The following DSTYK variants were observed in gnomAD, a reference collection of about 807,000 sequenced individuals.
The protein encoded by DSTYK is dual serine/threonine and tyrosine protein kinase, also known as RIP-homologous kinase.
DSTYK carries 34 observed loss-of-function variants against 98.7 expected under a neutral mutation model. The ratio of observed to expected loss-of-function variants is 0.34; its 90% CI spans 0.26 to 0.46. The LOEUF is 0.46. Among genes scored for constraint, DSTYK ranks in the 20% least tolerant of loss-of-function variants. DSTYK has a pLI of 1.00. For missense variants in DSTYK, 962 were observed against 1,181.7 expected, an observed-to-expected ratio of 0.81 and a Z score of 2.73; for synonymous variants, 462 against 457.3, an observed-to-expected ratio of 1.01 and a Z score of -0.13.
chr1:205,211,235 C>T (rs1352599553), intron 1 of DSTYK, 36 bp downstream of exon 1: 2 of 1,565,710 alleles, frequency 1.3e-6, no homozygotes, highest in South Asian at 2.4e-5. Context: ...CGATTTGCCT[C>T]TCCTGCCCTC....
chr1:205,197,310 T>C (rs564018923), intron 1 of DSTYK, among the ~76,000 whole-genome samples: 2 of 152,028 alleles, frequency 1.3e-5, no homozygotes, highest in East Asian at 1.9e-4. Flanking sequence ...TTAGAGGAGA[T>C]GAGAAAACCT....
intron 2 of DSTYK, among the ~76,000 whole-genome samples, chr1:205,177,811 G>C (rs987664284): frequency 1.3e-5 from 2 of 151,610 alleles, no homozygotes; most frequent in Non-Finnish European, 2.9e-5. Context: ...AGGTTGCAGT[G>C]AGCCAAGATC....
chr1:205,196,758 A>ATTTTTTTTTTTTTTTTTTTTT (rs113524415), intron 1 of DSTYK, among the ~76,000 whole-genome samples: 1 of 109,858 alleles, frequency 9.1e-6, no homozygotes, highest in Non-Finnish European at 1.7e-5. Flanking sequence ...AAAATGGTGA[A>ATTTTTTTTTTTTTTTTTTTTT]TTTTTTTTTT....
chr1:205,183,928 T>C (rs1032759518), intron 2 of DSTYK, among the ~76,000 whole-genome samples: 3 of 152,008 alleles, frequency 2.0e-5, no homozygotes, highest in Non-Finnish European at 4.4e-5. Flanking sequence ...TCAAAACCAC[T>C]GGAGAATAAA....
At chr1:205,181,656 T>TTGTGTGTGTGTGTGTG (rs35775611) in intron 2 of DSTYK, among the ~76,000 whole-genome samples, 1 of 142,544 alleles carries the variant, frequency 7.0e-6, no homozygotes, top group African/African-American at 2.7e-5. Flanking sequence ...ATGTTGGGGT[T>TTGTGTGTGTGTGTGTG]TGTGTGTGTG....
intron 1 of DSTYK, among the ~76,000 whole-genome samples, chr1:205,188,897 T>C (rs1014329944): frequency 2.6e-5 from 4 of 152,080 alleles, no homozygotes; most frequent in African/African-American, 9.7e-5. Context: ...AGACCCTAAA[T>C]AGGACAAAGG....
intron 9 of DSTYK, among the ~76,000 whole-genome samples, chr1:205,157,601 T>C (rs1400474925): frequency 6.6e-6 from 1 of 151,756 alleles, no homozygotes; most frequent in Non-Finnish European, 1.5e-5. Context: ...CTACTAAAAA[T>C]GCAAAAAAGA....
At chr1:205,175,619 A>T (rs1174003522) in intron 2 of DSTYK, among the ~76,000 whole-genome samples, 1 of 152,138 alleles carries the variant, frequency 6.6e-6, no homozygotes, top group Non-Finnish European at 1.5e-5. Flanking sequence ...CAGTGAAGGG[A>T]TGACTCATGC....
chr1:205,187,313 T>G, intron 2 of DSTYK, 105 bp downstream of exon 2: 1 of 1,320,924 alleles, frequency 7.6e-7, no homozygotes, highest in Non-Finnish European at 1.0e-6. Context: ...CCACTGCTGC[T>G]CAGAGTTCAG....
In DSTYK at chr1:205,205,021, G is replaced by A. The variant is rs1659158577; in HGVS notation, c.265+6250C>T. On this transcript the variant is annotated intron_variant, in intron 1 of 12. Transcript: ENST00000367162. ...TGGCCACTGAATGCTGCTTCCATGA[G>A]GGAAGAAAATTAAGAAAGAAAGACC... Among the ~76,000 whole-genome samples, 3 of 152,200 alleles carry A rather than the reference G, an allele frequency of 2.0e-5. 1 individual carries two copies. The highest frequency in any genetic ancestry group is 4.1e-4 in the South Asian group (2 of 4,826).
chr1:205,164,870 C>A (rs1657841995), intron 3 of DSTYK, among the ~76,000 whole-genome samples: 1 of 152,176 alleles, frequency 6.6e-6, no homozygotes, highest in South Asian at 2.1e-4. Flanking sequence ...AATCTAATTT[C>A]ATCTTCACAA....
At chr1:205,160,778 GTTTT>G (rs1411630807) in intron 7 of DSTYK, among the ~76,000 whole-genome samples, 1 of 143,994 alleles carries the variant, frequency 6.9e-6, no homozygotes, top group East Asian at 2.5e-4. Context: ...GTGGTTTTTT[GTTTT>G]TTGTTGTTTT....
In DSTYK at chr1:205,169,071, T is replaced by C. The variant is rs1657972178; in HGVS notation, c.1324+92A>G. 3 of 1,171,284 alleles carry C rather than the reference T, an allele frequency of 2.6e-6. No individual in the cohort carries two copies. Among genetic ancestry groups the C allele is most frequent in the Non-Finnish European group, 3.7e-6 (3 of 821,412 alleles). 72.6% of individuals were successfully genotyped at this position (1,171,284 alleles called of 1,614,324 possible). ...GGATGAAGTTACCCTGAGATTCCTT[T>C]AACCTTAGGAATTAACGTTCTTAAT... is the stretch of plus-strand genomic sequence containing the variant. On this transcript the variant is annotated intron_variant, in intron 3 of 12. Coordinates refer to ENST00000367162, the MANE Select transcript of DSTYK (RefSeq NM_015375.3). The surrounding 1 kb of genome is among the most constrained non-coding windows in gnomAD (Gnocchi z 4.0).
At chr1:205,210,702 T>A (rs1301407885) in intron 1 of DSTYK, among the ~76,000 whole-genome samples, 1 of 152,238 alleles carries the variant, frequency 6.6e-6, no homozygotes, top group Non-Finnish European at 1.5e-5. Context: ...ACCCATCAGA[T>A]ATGATTTCCT....
Position 205,211,605 on chromosome 1 carries a change from C to G in DSTYK, c.-70G>C, listed in dbSNP as rs1008079368. ...GCCCGGCCTCCCTCCTCCCCGCCCC[C>G]CAGTGCCGAAGGGAGGAGGAATCCG... On this transcript the variant is annotated 5_prime_UTR_variant, in exon 1 of 13. Transcript: ENST00000367162. The G allele has an allele frequency of 3.6e-6, 5 of 1,408,154 alleles. No homozygotes were observed. Among genetic ancestry groups the G allele is most frequent in the Admixed American group, 3.2e-5 (1 of 31,472 alleles). 87.2% of individuals were successfully genotyped at this position (1,408,154 alleles called of 1,614,324 possible).
chr1:205,176,476 TAAAAAA>T (rs61291677), intron 2 of DSTYK, among the ~76,000 whole-genome samples: 6 of 43,202 alleles, frequency 1.4e-4, no homozygotes, highest in Admixed American at 4.4e-4. Flanking sequence ...AACTCCCTCT[TAAAAAA>T]AAAAAAAAAA....
chr1:205,169,762 T>C lies in DSTYK; in HGVS notation c.725A>G (p.Asn242Ser). The change falls in exon 3 of 13, where the codon AAT (asparagine) becomes AGT (serine). Residue 242 changes from asparagine (N) to serine (S), a missense_variant. By Grantham distance (46) the Asn-to-Ser change is conservative (BLOSUM62 1). Coordinates refer to ENST00000367162, the MANE Select transcript of DSTYK (RefSeq NM_015375.3). This position sits in a 1 kb window ranked among gnomAD's most constrained non-coding sequence, Gnocchi z 4.0. ...ATAGGTTATCACAGGCAAGAAATCA[T>C]TCACCAAGTCACCCAGAACATCCAC... ...PTVDVLGDLVNDFLPVITYAL... is the reference protein window; with the variant it reads ...PTVDVLGDLVSDFLPVITYAL... 1.2e-6 allele frequency: 2 copies of C among 1,614,206 alleles called. No individual in the cohort carries two copies. Among genetic ancestry groups the C allele is most frequent in the Non-Finnish European group, 1.7e-6 (2 of 1,180,040 alleles).
chr1:205,195,744 G>A (rs1658847044), intron 1 of DSTYK, among the ~76,000 whole-genome samples: 1 of 152,248 alleles, frequency 6.6e-6, no homozygotes, highest in South Asian at 2.1e-4. Flanking sequence ...GAAGCAGATA[G>A]TATTGGCACC....
At position 205,184,359 on chromosome 1, in the gene DSTYK, G is replaced by A. The variant is rs1163500362; in HGVS notation, c.654+3059C>T. Among the ~76,000 whole-genome samples, 10 of 151,942 alleles carry A rather than the reference G, an allele frequency of 6.6e-5. No individual in the cohort carries two copies. The East Asian group carries it at 9.7e-4, about 15-fold the overall frequency. On this transcript the variant is annotated intron_variant, in intron 2 of 12. Coordinates refer to ENST00000367162, the MANE Select transcript of DSTYK (RefSeq NM_015375.3). ...AGGGTGAGGGGGGCGGATCACTTGA[G>A]GTCAGTAGTTCCAGACCAGCTGGCC...
Sources: allele counts gnomAD v4.1 joint callset (sites outside exome capture counted in the v4.1 genomes callset), GRCh38; gene constraint gnomAD v4.1.1; non-coding constraint Gnocchi (gnomAD v3.1); transcripts MANE v1.5; gene names NCBI Gene and HGNC (gene_info 2026-07-23, HGNC 2026-07-21).